Variants in MAP7 observed in about 807,000 individuals in gnomAD.
MAP7 encodes microtubule associated protein 7, also known as ensconsin.
MAP7 carries 52 observed loss-of-function variants against 94.8 expected under a neutral mutation model. The ratio of observed to expected loss-of-function variants is 0.55; its 90% CI spans 0.44 to 0.69. The LOEUF is 0.69. MAP7 is among the 30% of genes least tolerant of loss of function. The probability of loss-of-function intolerance (pLI) is 0.00; values close to 1 mark genes in which losing one functional copy is unlikely to be tolerated. For synonymous variants in MAP7, 350 were observed against 357.0 expected, an observed-to-expected ratio of 0.98 and a Z score of 0.22; for missense variants, 940 against 964.6, an observed-to-expected ratio of 0.97 and a Z score of 0.34.
At chr6:136,486,774 G>C (rs943127871) in intron 1 of MAP7, among the ~76,000 whole-genome samples, 2 of 152,028 alleles carry the variant, frequency 1.3e-5, no homozygotes, top group African/African-American at 4.8e-5. Context: ...AACCACCTAA[G>C]GCTATCCCAA....
chr6:136,413,882 A>G (rs1489241159), intron 2 of MAP7, among the ~76,000 whole-genome samples: 1 of 152,150 alleles, frequency 6.6e-6, no homozygotes, highest in East Asian at 1.9e-4. Context: ...TAAAAACAGT[A>G]AAGACGCCCC....
Position 136,526,269 on chromosome 6 carries a change from A to ACGCG in MAP7, c.67+24069_67+24072dup, listed in dbSNP as rs1255654708. ...TGCTCCGGCTCATGCATGCACGTAC[A>ACGCG]CGCGCGCGCACACACACACACACAC... On this transcript the variant is annotated intron_variant, in intron 1 of 17. Coordinates refer to ENST00000354570, the MANE Select transcript of MAP7 (RefSeq NM_003980.6). 6.5e-6 allele frequency: 7 copies of ACGCG among 1,078,168 alleles called. No homozygotes were observed. The African/African-American group carries it at 8.4e-5, about 13-fold the overall frequency. The allele number at this position is 1,078,168 out of a possible 1,614,324, so 66.8% of individuals were successfully genotyped here. A position where few individuals can be genotyped will look rare whatever the true frequency, so the allele number is the denominator to read the frequency against.
chr6:136,431,664 C>T (rs1343345047), intron 1 of MAP7, among the ~76,000 whole-genome samples: 2 of 152,194 alleles, frequency 1.3e-5, no homozygotes, highest in South Asian at 2.1e-4. Flanking sequence ...ACTACAGGCG[C>T]GTGCCACCAT....
chr6:136,456,809 A>ATAAGAAG (rs1562422182), intron 1 of MAP7, among the ~76,000 whole-genome samples: 1 of 87,266 alleles, frequency 1.1e-5, no homozygotes, highest in African/African-American at 3.9e-5. Context: ...AAGAAGAAGA[A>ATAAGAAG]GAAGAAGAAG....
rs114593951 is a variant in MAP7 at position 136,499,066 on chromosome 6, C to T, written c.67+51276G>A. The stretch of plus-strand genomic sequence containing the variant: ...CCCCAGGTAGCTGGGATTACAAGTA[C>T]GCACCACTACGCCCTGCTAATTTTT... On this transcript the variant is annotated intron_variant, in intron 1 of 17. Coordinates refer to ENST00000354570, the MANE Select transcript of MAP7 (RefSeq NM_003980.6). Among the ~76,000 whole-genome samples the T allele has an allele frequency of 4.0e-3, 602 of 152,074 alleles. 8 individuals are homozygous for T. Among genetic ancestry groups the T allele is most frequent in the African/African-American group, 0.014 (578 of 41,402 alleles).
chr6:136,411,738 T>A, intron 2 of MAP7, 41 bp from the exon 3 acceptor site: 2 of 1,437,348 alleles, frequency 1.4e-6, no homozygotes, highest in Non-Finnish European at 9.4e-7. Flanking sequence ...GAAGAGTGGA[T>A]TAAAAAAAAA....
intron 1 of MAP7, among the ~76,000 whole-genome samples, chr6:136,460,317 A>G (rs1447488512): frequency 1.3e-5 from 2 of 152,220 alleles, no homozygotes; most frequent in Non-Finnish European, 2.9e-5. Flanking sequence ...GAGGGAATAC[A>G]TGAAAATTGC....
chr6:136,428,249 C>T (rs1025532899), intron 1 of MAP7, among the ~76,000 whole-genome samples: 2 of 152,156 alleles, frequency 1.3e-5, no homozygotes, highest in Admixed American at 1.3e-4. Context: ...GGCGTGGTGG[C>T]TCACACCTGC....
intron 3 of MAP7, among the ~76,000 whole-genome samples, chr6:136,396,006 C>T (rs992225203): frequency 1.3e-5 from 2 of 152,118 alleles, no homozygotes; most frequent in African/African-American, 2.4e-5. Context: ...TACGATGCCT[C>T]CAGCTTTGTT....
chr6:136,525,255 C>A (rs1168955691), intron 1 of MAP7, among the ~76,000 whole-genome samples: 3 of 152,200 alleles, frequency 2.0e-5, no homozygotes, highest in Non-Finnish European at 2.9e-5. Context: ...AGTTATACAA[C>A]CTCATGATCT....
intron 1 of MAP7, chr6:136,526,786 G>T: frequency 1.7e-6 from 1 of 602,682 alleles, no homozygotes; most frequent in Non-Finnish European, 2.1e-6. Context: ...ATGTTTGCAA[G>T]CCCCTGGATG....
At chr6:136,507,352 G>C (rs1044802874) in intron 1 of MAP7, among the ~76,000 whole-genome samples, 4 of 151,664 alleles carry the variant, frequency 2.6e-5, no homozygotes, top group African/African-American at 4.8e-5. Context: ...GGACGGGAAG[G>C]GGGGTAGTAA....
At chr6:136,466,727 G>A (rs1807231248) in intron 1 of MAP7, 1 of 1,531,022 alleles carries the variant, frequency 6.5e-7, no homozygotes. Flanking sequence ...CCTTATTAAG[G>A]TTTTCAAAAC....
chr6:136,401,223 A>G (rs572576788), intron 3 of MAP7, among the ~76,000 whole-genome samples: 2 of 152,196 alleles, frequency 1.3e-5, no homozygotes, highest in South Asian at 2.1e-4. Context: ...TTGTTGGCAC[A>G]TGCCTGTAGT....
Position 136,361,418 on chromosome 6 carries a change from T to G in MAP7, c.1527-239A>C, listed in dbSNP as rs2076191. On this transcript the variant is annotated intron_variant, in intron 11 of 17. Coordinates refer to ENST00000354570, the MANE Select transcript of MAP7 (RefSeq NM_003980.6). Reference sequence around the variant, plus strand: ...AAGCAACGTGTAACCACCAATATCTTGGGGAGAGCTGGCTTTTTGGAAGGA... The same window carrying G: ...AAGCAACGTGTAACCACCAATATCTGGGGGAGAGCTGGCTTTTTGGAAGGA... Among the ~76,000 whole-genome samples the G allele has an allele frequency of 8.9e-3, 1,358 of 152,290 alleles. 59 individuals are homozygous for G. The East Asian group carries it at 0.13, about 15-fold the overall frequency.
chr6:136,429,900 TG>T (rs1262292458), intron 1 of MAP7, among the ~76,000 whole-genome samples: 2 of 152,248 alleles, frequency 1.3e-5, no homozygotes, highest in East Asian at 3.9e-4. Context: ...TCATCTCCGT[TG>T]GTGACTTACC....
chr6:136,350,250 C>G (rs1788788092), intron 16 of MAP7, among the ~76,000 whole-genome samples: 1 of 152,062 alleles, frequency 6.6e-6, no homozygotes. Context: ...AGTGGGCAAG[C>G]TGGAGGGATC....
At chr6:136,348,892 C>T (rs1788392481) in intron 16 of MAP7, among the ~76,000 whole-genome samples, 1 of 152,108 alleles carries the variant, frequency 6.6e-6, no homozygotes, top group African/African-American at 2.4e-5. Context: ...AGACAGCTCC[C>T]CTACGGCAAT....
intron 1 of MAP7, among the ~76,000 whole-genome samples, chr6:136,468,473 T>C (rs980344130): frequency 2.0e-5 from 3 of 152,224 alleles, no homozygotes; most frequent in Non-Finnish European, 2.9e-5. Flanking sequence ...AATGGGGTTA[T>C]GTCCTGATAA....
Sources: allele counts gnomAD v4.1 joint callset (sites outside exome capture counted in the v4.1 genomes callset), GRCh38; gene constraint gnomAD v4.1.1; transcripts MANE v1.5; gene names NCBI Gene and HGNC (gene_info 2026-07-23, HGNC 2026-07-21).